Variants in MS4A4E observed in about 807,000 individuals in gnomAD.
MS4A4E encodes the protein membrane spanning 4-domains A4E.
Under a neutral mutation model 13.3 loss-of-function variants are expected in MS4A4E, and 23 were observed. The observed-to-expected ratio is 1.73, with a 90% CI of 1.25 to 2.45. The LOEUF (loss-of-function observed/expected upper bound fraction) is 2.45. Among genes scored for constraint, MS4A4E ranks in the 30% most tolerant of loss-of-function variants. The pLI, the probability that MS4A4E is intolerant of heterozygous loss-of-function variation, is 0.00. For synonymous variants in MS4A4E, 36 were observed against 45.6 expected (o/e 0.79, Z 0.85); for missense variants, 144 against 131.2 (o/e 1.10, Z -0.48).
At chr11:60,218,710 A>G (rs2084228232) in intron 3 of MS4A4E, among the ~76,000 whole-genome samples, 1 of 152,144 alleles carries the variant, frequency 6.6e-6, no homozygotes, top group African/African-American at 2.4e-5. Context: ...CTAGACCTAT[A>G]ACTAAAGTCC....
chr11:60,234,008 T>A (rs1296072774), intron 1 of MS4A4E, among the ~76,000 whole-genome samples: 1 of 152,258 alleles, frequency 6.6e-6, no homozygotes. Context: ...ATTTAAAACA[T>A]AATTCTGTTT....
At chr11:60,225,873 T>A (rs1349667) in intron 3 of MS4A4E, among the ~76,000 whole-genome samples, 48,686 of 150,574 alleles carry the variant, frequency 0.32, 8,926 homozygotes, top group South Asian at 0.5. Context: ...TGCTTTTTTT[T>A]AAAAAAAAGA....
At chr11:60,216,261 A>T (rs2084190764) in intron 3 of MS4A4E, among the ~76,000 whole-genome samples, 1 of 152,194 alleles carries the variant, frequency 6.6e-6, no homozygotes. Context: ...AGTTCTTGGT[A>T]ATCTACTGAA....
In MS4A4E at chr11:60,213,019, G is replaced by A. The variant is rs1180470339; in HGVS notation, c.336C>T (p.His112=). 2.8e-5 allele frequency: 11 copies of A among 390,644 alleles called. No individual in the cohort carries two copies. The highest frequency in any genetic ancestry group is 4.1e-5 in the Non-Finnish European group (9 of 220,044). 24.2% of individuals were successfully genotyped at this position (390,644 alleles called of 1,614,324 possible). A position where few individuals can be genotyped will look rare whatever the true frequency, so the allele number is the denominator to read the frequency against. ...TGTAACAATTACTTGACAACTGATC[G>A]TGGTTACAGTAATGGTAACGGAATG... ...FYSFRYHYCN[H]DQLSSNCYMT... The change falls in exon 5 of 9, where the codon CAC becomes CAT. Residue 112 remains histidine, a synonymous_variant. Transcript: ENST00000651255.
intron 3 of MS4A4E, among the ~76,000 whole-genome samples, chr11:60,227,491 C>T (rs998325892): frequency 6.6e-6 from 1 of 152,194 alleles, no homozygotes; most frequent in Admixed American, 6.5e-5. Context: ...GCAGAGCTTG[C>T]AGTGAGCTGA....
At chr11:60,231,846 T>C (rs2084414657) in intron 1 of MS4A4E, among the ~76,000 whole-genome samples, 1 of 152,184 alleles carries the variant, frequency 6.6e-6, no homozygotes, top group South Asian at 2.1e-4. Context: ...GAAGTAGATA[T>C]GCTTGATACA....
chr11:60,232,284 A>ACACACACACACACAC (rs2084419568), intron 1 of MS4A4E, among the ~76,000 whole-genome samples: 1 of 130,166 alleles, frequency 7.7e-6, no homozygotes, highest in Non-Finnish European at 1.6e-5. Context: ...CATCGCCATC[A>ACACACACACACACAC]ACACACACAC....
At chr11:60,213,156 A>T in intron 4 of MS4A4E, 24 bp from the exon 5 acceptor site, 1 of 833,926 alleles carries the variant, frequency 1.2e-6, no homozygotes, top group Non-Finnish European at 1.8e-6. Context: ...AAAATTAATT[A>T]AGCAATCCAA....
At chr11:60,206,512 T>TGTATATATATATGTGTATATATATACAC (rs1554983301) in intron 6 of MS4A4E, among the ~76,000 whole-genome samples, 1 of 98,346 alleles carries the variant, frequency 1.0e-5, no homozygotes, top group African/African-American at 4.8e-5. Context: ...TATATATATA[T>TGTATATATATATGTGTATATATATACAC]ACACACACAC....
intron 5 of MS4A4E, among the ~76,000 whole-genome samples, chr11:60,209,313 GT>G (rs1284288836): frequency 8.5e-5 from 13 of 152,252 alleles, no homozygotes; most frequent in African/African-American, 3.1e-4. Context: ...GTTCAAGAGA[GT>G]TTTGAAGATG....
rs1258939248 is a variant in MS4A4E at position 60,200,895 on chromosome 11, ACGGGGCGGCTGGC to A, written c.*635_*647del. Among the ~76,000 whole-genome samples, 1 of 148,922 alleles carries A rather than the reference ACGGGGCGGCTGGC, an allele frequency of 6.7e-6. No homozygotes were observed. ...GGCAGAGGCACCCCTCACCTCCCGG[ACGGGGCGGCTGGC>A]CGGGCGGGGGGCTGACCCCTCCACC... On this transcript the variant is annotated 3_prime_UTR_variant, in exon 9 of 9. Coordinates refer to ENST00000651255, the MANE Select transcript of MS4A4E (RefSeq NM_001393391.1).
chr11:60,240,215 C>A (rs80350024), intron 1 of MS4A4E, among the ~76,000 whole-genome samples: 3 of 152,310 alleles, frequency 2.0e-5, no homozygotes, highest in African/African-American at 4.8e-5. Context: ...GAAGGCCCAA[C>A]AATTAGCTCA....
chr11:60,227,805 C>T (rs1343022037), intron 3 of MS4A4E, among the ~76,000 whole-genome samples: 1 of 151,674 alleles, frequency 6.6e-6, no homozygotes, highest in East Asian at 1.9e-4. Flanking sequence ...GAAGTATAGT[C>T]AAGTGATCTT....
chr11:60,226,501 T>C (rs1834555), intron 3 of MS4A4E, among the ~76,000 whole-genome samples: 23,139 of 152,166 alleles, frequency 0.15, 2,024 homozygotes, highest in African/African-American at 0.23. Flanking sequence ...TCAATGAATG[T>C]AACTAATGAC....
chr11:60,213,369 AGG>A, intron 4 of MS4A4E: 1 of 1,443,538 alleles, frequency 6.9e-7, no homozygotes, highest in Non-Finnish European at 9.4e-7. Context: ...ATCATTTATC[AGG>A]GTTTTCAATG....
At chr11:60,212,435 G>A (rs1450473072) in intron 5 of MS4A4E, among the ~76,000 whole-genome samples, 3 of 150,966 alleles carry the variant, frequency 2.0e-5, no homozygotes, top group Admixed American at 6.6e-5. Context: ...TCAGCCTCCC[G>A]AGTAGCTGGA....
intron 3 of MS4A4E, among the ~76,000 whole-genome samples, chr11:60,221,576 G>A (rs11518558): frequency 0.13 from 19,259 of 152,210 alleles, 1,284 homozygotes; most frequent in South Asian, 0.16. Flanking sequence ...GAAGGACAGC[G>A]GTGAAGGAAA....
intron 3 of MS4A4E, among the ~76,000 whole-genome samples, chr11:60,222,720 C>T (rs140661616): frequency 6.6e-5 from 10 of 152,158 alleles, no homozygotes; most frequent in East Asian, 5.8e-4. Flanking sequence ...ACGTTGCCAC[C>T]GGGAGACAAC....
intron 1 of MS4A4E, among the ~76,000 whole-genome samples, chr11:60,237,923 T>C (rs1360306490): frequency 6.6e-6 from 1 of 152,106 alleles, no homozygotes; most frequent in African/African-American, 2.4e-5. Flanking sequence ...TTTTAATCTA[T>C]TGAGGCATTC....
Sources: allele counts gnomAD v4.1 joint callset (sites outside exome capture counted in the v4.1 genomes callset), GRCh38; gene constraint gnomAD v4.1.1; transcripts MANE v1.5; gene names NCBI Gene and HGNC (gene_info 2026-07-23, HGNC 2026-07-21).